The following WDR20 variants were observed in gnomAD, a reference collection of about 807,000 sequenced individuals.
WDR20 encodes the protein WD repeat-containing protein 20.
A neutral mutation model predicts 38.7 loss-of-function variants in WDR20; 3 were observed. The ratio of observed to expected loss-of-function variants is 0.08; its 90% CI spans 0.04 to 0.20. WDR20 has a LOEUF of 0.20. Among genes scored for constraint, WDR20 ranks in the 10% least tolerant of loss-of-function variants. The probability of loss-of-function intolerance (pLI) is 1.00; values close to 1 mark genes in which losing one functional copy is unlikely to be tolerated. For synonymous variants in WDR20, 298 were observed against 285.6 expected (o/e 1.04, Z -0.44); for missense variants, 559 against 727.7 (o/e 0.77, Z 2.67).
intron 1 of WDR20, among the ~76,000 whole-genome samples, chr14:102,140,427 G>C (rs1318360964): frequency 6.6e-6 from 1 of 152,114 alleles, no homozygotes; most frequent in African/African-American, 2.4e-5. Flanking sequence ...AGGCTCCCGG[G>C]GGAGCCGGCT....
chr14:102,148,690 TG>T (rs1160581144), intron 1 of WDR20, among the ~76,000 whole-genome samples: 1 of 151,302 alleles, frequency 6.6e-6, no homozygotes, highest in Non-Finnish European at 1.5e-5. Context: ...TGTGTGTGTG[TG>T]TGTGTGTGTG....
intron 1 of WDR20, among the ~76,000 whole-genome samples, chr14:102,163,043 C>T (rs1566865877): frequency 6.6e-6 from 1 of 152,174 alleles, no homozygotes. Context: ...GCTATGATTT[C>T]AATATCTGTT....
At chr14:102,192,741 G>T (rs2058722477) in intron 1 of WDR20, among the ~76,000 whole-genome samples, 1 of 151,976 alleles carries the variant, frequency 6.6e-6, no homozygotes, top group African/African-American at 2.4e-5. Context: ...GTTAATTTCT[G>T]GCCAGCCTTT....
chr14:102,198,580 A>G (rs1466571618), intron 2 of WDR20, among the ~76,000 whole-genome samples: 1 of 152,242 alleles, frequency 6.6e-6, no homozygotes, highest in African/African-American at 2.4e-5. Flanking sequence ...GAGCCCAAGG[A>G]AACTGAAAGA....
At chr14:102,140,447 C>T (rs1398754830) in intron 1 of WDR20, among the ~76,000 whole-genome samples, 1 of 152,040 alleles carries the variant, frequency 6.6e-6, no homozygotes, top group Non-Finnish European at 1.5e-5. Flanking sequence ...TGCGTCCCCT[C>T]CAGCCTGGTC....
chr14:102,158,509 G>A (rs1307471500), intron 1 of WDR20, among the ~76,000 whole-genome samples: 1 of 152,018 alleles, frequency 6.6e-6, no homozygotes, highest in Non-Finnish European at 1.5e-5. Context: ...TGTTGGTCAG[G>A]CTGGTCTCAA....
chr14:102,171,733 T>C (rs2060865032), intron 1 of WDR20, among the ~76,000 whole-genome samples: 1 of 151,740 alleles, frequency 6.6e-6, no homozygotes, highest in African/African-American at 2.4e-5. Flanking sequence ...TACAGCCTAT[T>C]GGGGAGTATT....
rs140547334 is a variant in WDR20 at position 102,160,840 on chromosome 14, T to C, written c.249+20668T>C. 7.8e-3 allele frequency among the ~76,000 whole-genome samples: 1,114 copies of C among 143,282 alleles called. 21 individuals carry two copies. The highest frequency in any genetic ancestry group is 0.027 in the African/African-American group (1,043 of 38,818). 94.0% of individuals were successfully genotyped at this position (143,282 alleles called of 152,430 possible). ...GCAGGCACCTGTATTCCCAGCTACT[T>C]GGGAGGCTGAGGCAGGAGAATGGCG... On this transcript the variant is annotated intron_variant, in intron 1 of 2. Transcript: ENST00000342702.
rs886946462 is a variant in WDR20 at position 102,221,288 on chromosome 14, G to C, written c.1693-1542G>C. 6.6e-6 allele frequency among the ~76,000 whole-genome samples: 1 copy of C among 152,208 alleles called. No homozygotes were observed. The highest frequency in any genetic ancestry group is 6.5e-5 in the Admixed American group (1 of 15,276). ...AGGAGTAGATGACTTTTCTGTTGCC[G>C]GGGGGAAGGGAGGTGCCTCCTGGTT... is the stretch of plus-strand genomic sequence containing the variant. On this transcript the variant is annotated intron_variant, in intron 3 of 3. Transcript: ENST00000335263. The surrounding 1 kb of genome is among the most constrained non-coding windows in gnomAD (Gnocchi z 4.8).
At position 102,163,142 on chromosome 14, in the gene WDR20, A is replaced by G. The variant is rs141365550; in HGVS notation, c.249+22970A>G. The stretch of plus-strand genomic sequence containing the variant: ...AGGCTCTGCCCTTACGAATGGATTA[A>G]TGCCATTATTGAGGGAGTGGGTTAG... On this transcript the variant is annotated intron_variant, in intron 1 of 2. Transcript: ENST00000342702. Among the ~76,000 whole-genome samples, 374 of 152,268 alleles carry G rather than the reference A, an allele frequency of 2.5e-3. 10 individuals are homozygous for G. The highest frequency in any genetic ancestry group is 0.021 in the Admixed American group (325 of 15,296).
chr14:102,203,724 T>A (rs866782068), intron 2 of WDR20, among the ~76,000 whole-genome samples: 2 of 152,084 alleles, frequency 1.3e-5, no homozygotes, highest in Non-Finnish European at 2.9e-5. Context: ...ACCGGGTATT[T>A]TTCAACATCC....
chr14:102,140,148 C>G lies in WDR20; in HGVS notation c.225C>G (p.Phe75Leu). 1 of 1,613,646 alleles carries G rather than the reference C, an allele frequency of 6.2e-7. No individual in the cohort carries two copies. Among genetic ancestry groups the G allele is most frequent in the Non-Finnish European group, 8.5e-7 (1 of 1,180,034 alleles). The change falls in exon 1 of 3, where the codon TTC becomes TTG. Residue 75 changes from phenylalanine to leucine, a missense_variant. Coordinates refer to ENST00000342702, the MANE Select transcript of WDR20 (RefSeq NM_144574.4). ...LCFNVGRELY[F>L]YIYKGVRKAA... is the part of the protein sequence containing the mutation. The stretch of plus-strand genomic sequence containing the variant: ...TCAATGTGGGCCGGGAGCTGTACTT[C>G]TATATCTACAAGGGGGTCCGCAAGG...
At chr14:102,188,774 G>A (rs2065517376) in intron 1 of WDR20, among the ~76,000 whole-genome samples, 1 of 150,728 alleles carries the variant, frequency 6.6e-6, no homozygotes, top group African/African-American at 2.4e-5. Flanking sequence ...TTGAGAGGCT[G>A]AGGCAGGAGA....
chr14:102,207,954 G>A lies in WDR20; in HGVS notation c.433-649G>A, dbSNP rs934574940. ...TCTCAACACCAGCAGAGAGGGTTTC[G>A]AGGAGATGCTTATGGAGATGCACGT... On this transcript the variant is annotated intron_variant, in intron 2 of 2. Transcript: ENST00000342702. This position sits in a 1 kb window ranked among gnomAD's most constrained non-coding sequence, Gnocchi z 5.0. Among the ~76,000 whole-genome samples the A allele has an allele frequency of 1.9e-4, 29 of 152,206 alleles. No homozygotes were observed. The highest frequency in any genetic ancestry group is 6.8e-4 in the African/African-American group (28 of 41,450).
intron 2 of WDR20, among the ~76,000 whole-genome samples, chr14:102,201,264 G>T (rs545745131): frequency 1.3e-5 from 2 of 151,888 alleles, no homozygotes; most frequent in Admixed American, 1.3e-4. Context: ...TGTGGTTTTT[G>T]AATTGTTTCA....
rs896539721 is a variant in WDR20 at position 102,208,289 on chromosome 14, A to G, written c.433-314A>G. The stretch of plus-strand genomic sequence containing the variant: ...ACTGTCAAGGAAGAAAGATCCCAGC[A>G]GGGCTGTTCCCTCCGCAGTGAACCC... On this transcript the variant is annotated intron_variant, in intron 2 of 2. Transcript: ENST00000342702. This position sits in a 1 kb window ranked among gnomAD's most constrained non-coding sequence, Gnocchi z 5.6. Among the ~76,000 whole-genome samples the G allele has an allele frequency of 1.3e-5, 2 of 152,254 alleles. No homozygotes were observed. The highest frequency in any genetic ancestry group is 4.8e-5 in the African/African-American group (2 of 41,468).
chr14:102,164,957 A>C lies in WDR20; in HGVS notation c.249+24785A>C, dbSNP rs531873814. Among the ~76,000 whole-genome samples, 13 of 152,344 alleles carry C rather than the reference A, an allele frequency of 8.5e-5. No homozygotes were observed. In the South Asian group the frequency reaches 2.3e-3, roughly 27 times the overall value. On this transcript the variant is annotated intron_variant, in intron 1 of 2. Coordinates refer to ENST00000342702, the MANE Select transcript of WDR20 (RefSeq NM_144574.4). ...ACAGCAGGTATTCCTGTGAAAGCGC[A>C]AGTTAGTTTGTTAGGGCAATTAAAA...
intron 2 of WDR20, among the ~76,000 whole-genome samples, chr14:102,202,654 A>G (rs1269522728): frequency 6.6e-6 from 1 of 152,030 alleles, no homozygotes; most frequent in Non-Finnish European, 1.5e-5. Flanking sequence ...TACTGGGATT[A>G]CAGGTGTGAG....
intron 1 of WDR20, among the ~76,000 whole-genome samples, chr14:102,165,847 C>G (rs1375795936): frequency 6.6e-6 from 1 of 151,846 alleles, no homozygotes; most frequent in African/African-American, 2.4e-5. Context: ...ATCATATTGC[C>G]CAGGCTGGTC....
Sources: allele counts gnomAD v4.1 joint callset (sites outside exome capture counted in the v4.1 genomes callset), GRCh38; gene constraint gnomAD v4.1.1; non-coding constraint Gnocchi (gnomAD v3.1); transcripts MANE v1.5; gene names NCBI Gene and HGNC (gene_info 2026-07-23, HGNC 2026-07-21).